The following ATP5F1C variants were observed in gnomAD, a reference collection of about 807,000 sequenced individuals.
ATP5F1C encodes the protein ATP synthase F(1) complex subunit gamma, mitochondrial.
A neutral mutation model predicts 37.4 loss-of-function variants in ATP5F1C; 22 were observed. The ratio of observed to expected loss-of-function variants is 0.59; its 90% CI spans 0.42 to 0.84. The LOEUF (loss-of-function observed/expected upper bound fraction) is 0.84, where lower values mean the gene tolerates loss of function less well. Among genes scored for constraint, ATP5F1C ranks in the 40% least tolerant of loss-of-function variants. The probability of loss-of-function intolerance (pLI) is 0.00; values close to 1 mark genes in which losing one functional copy is unlikely to be tolerated. For missense variants in ATP5F1C, 286 were observed against 362.4 expected (o/e 0.79, Z 1.71); for synonymous variants, 121 against 128.0 (o/e 0.95, Z 0.37).
chr10:7,800,223 A>C, intron 6 of ATP5F1C, 132 bp downstream of exon 6: 1 of 949,622 alleles, frequency 1.1e-6, no homozygotes, highest in Non-Finnish European at 1.6e-6. Context: ...TTTTAGATGG[A>C]ATCTTGCTGC....
At chr10:7,802,239 C>G in intron 6 of ATP5F1C, 31 bp from the exon 7 acceptor site, 2 of 1,574,606 alleles carry the variant, frequency 1.3e-6, no homozygotes, top group Non-Finnish European at 1.7e-6. Context: ...TTCCATATAA[C>G]TTGAAAGAAA....
At chr10:7,803,961 G>A (rs956286758) in intron 8 of ATP5F1C, among the ~76,000 whole-genome samples, 8 of 152,102 alleles carry the variant, frequency 5.3e-5, no homozygotes, top group Admixed American at 2.6e-4. Context: ...GTTCAAAAAG[G>A]TAATTATTTG....
chr10:7,797,514 C>T (rs910067500), intron 3 of ATP5F1C, among the ~76,000 whole-genome samples: 4 of 152,136 alleles, frequency 2.6e-5, no homozygotes, highest in Non-Finnish European at 4.4e-5. Context: ...TTATACGTGA[C>T]CATGTTAACT....
chr10:7,790,117 T>C (rs1307180111), intron 1 of ATP5F1C, among the ~76,000 whole-genome samples: 1 of 152,248 alleles, frequency 6.6e-6, no homozygotes, highest in African/African-American at 2.4e-5. Context: ...TGAATTATAA[T>C]TGCCTTTTGA....
Position 7,799,929 on chromosome 10 carries a change from A to G in ATP5F1C, c.572+14A>G, listed in dbSNP as rs905311076. On this transcript the variant is annotated intron_variant, in intron 5 of 9. Transcript: ENST00000356708. ...TAATAAATTCAGGCAAGACAGATTTAGAAATCAAAGCTTTTTTATGTTCAT... is the reference window on the plus strand; with the variant it reads ...TAATAAATTCAGGCAAGACAGATTTGGAAATCAAAGCTTTTTTATGTTCAT... The G allele has an allele frequency of 6.2e-7, 1 of 1,607,964 alleles. No individual in the cohort carries two copies. The highest frequency in any genetic ancestry group is 1.3e-5 in the African/African-American group (1 of 74,628).
In ATP5F1C at chr10:7,807,731, TC is replaced by T; in HGVS notation, c.*105del. The T allele has an allele frequency of 6.5e-7, 1 of 1,537,154 alleles. No individual in the cohort carries two copies. ...TGCCTTTGTCCGAAGAAACTGTTCC[TC>T]CATTATTTGAATTACTGAAGACAGC... On this transcript the variant is annotated 3_prime_UTR_variant, in exon 10 of 10. Transcript: ENST00000356708.
chr10:7,788,223 G>C lies in ATP5F1C; in HGVS notation c.16G>C (p.Gly6Arg). ...TGTGGCTACCATGTTCTCTCGCGCG[G>C]GTGTCGCTGGGCTGTCGGCCTGGAC... is the stretch of plus-strand genomic sequence containing the variant. MFSRAGVAGLSAWTLQ... is the reference protein window; with the variant it reads MFSRARVAGLSAWTLQ... Residue 6 changes from glycine (G) to arginine (R), a missense_variant, in exon 1 of 10, where the codon GGT (glycine) becomes CGT (arginine). Transcript: ENST00000356708. 1.9e-6 allele frequency: 3 copies of C among 1,613,564 alleles called. No homozygotes were observed. In the South Asian group the frequency reaches 3.3e-5, roughly 18 times the overall value.
chr10:7,800,019 A>G lies in ATP5F1C; in HGVS notation c.573-8A>G. The G allele has an allele frequency of 6.2e-7, 1 of 1,611,410 alleles. No individual in the cohort carries two copies. Among genetic ancestry groups the G allele is most frequent in the Non-Finnish European group, 8.5e-7 (1 of 1,179,268 alleles). ...TTTGAGATTTACATTTGTTTTTGTC[A>G]ATTCTAGGTCTGTCATCTCCTATAA... On this transcript the variant is annotated splice_polypyrimidine_tract_variant and splice_region_variant and intron_variant, in intron 5 of 9. Transcript: ENST00000356708.
At chr10:7,797,314 C>T (rs1296310220) in intron 3 of ATP5F1C, 136 bp downstream of exon 3, 6 of 1,093,418 alleles carry the variant, frequency 5.5e-6, no homozygotes, top group Non-Finnish European at 7.8e-6. Flanking sequence ...TCATCTACAT[C>T]CACTTGACAC....
chr10:7,796,865 T>G, intron 2 of ATP5F1C, 182 bp from the exon 3 acceptor site: 3 of 572,308 alleles, frequency 5.2e-6, no homozygotes, highest in Non-Finnish European at 8.6e-6. Context: ...ATTACAGGCG[T>G]GAGCCACCGT....
chr10:7,806,155 A>C (rs185395779), intron 8 of ATP5F1C, among the ~76,000 whole-genome samples: 1 of 152,344 alleles, frequency 6.6e-6, no homozygotes, highest in East Asian at 1.9e-4. Flanking sequence ...AAACTTAGCT[A>C]TGCAGTGCCA....
In ATP5F1C at chr10:7,802,804, A is replaced by G. The variant is rs115685757; in HGVS notation, c.840A>G (p.Gln280=). Residue 280 remains glutamine (Q), a synonymous_variant, in exon 8 of 10, where the codon CAA becomes CAG. Transcript: ENST00000356708. ...KLTLTFNRTR[Q]AVITKELIEI... Reference sequence around the variant, plus strand: ...CATTGACATTCAACCGTACCCGCCAAGCTGTCATCACAAAAGAGTTGATTG... The same window carrying G: ...CATTGACATTCAACCGTACCCGCCAGGCTGTCATCACAAAAGAGTTGATTG... 1.5e-3 allele frequency: 2,365 copies of G among 1,614,070 alleles called. 33 individuals are homozygous for G. The African/African-American group carries it at 0.028, about 19-fold the overall frequency.
At chr10:7,802,936 C>A in intron 8 of ATP5F1C, 82 bp downstream of exon 8, 2 of 1,253,068 alleles carry the variant, frequency 1.6e-6, no homozygotes, top group East Asian at 2.5e-5. Flanking sequence ...AAAAGTTTTT[C>A]GTTTTTTTCT....
chr10:7,799,496 T>TC (rs1836309731), intron 4 of ATP5F1C: 1 of 559,888 alleles, frequency 1.8e-6, no homozygotes, highest in South Asian at 2.3e-5. Flanking sequence ...GAGGAGCTGT[T>TC]ACAGCCTGGA....
rs1354117540 is a variant in ATP5F1C at position 7,797,190 on chromosome 10, G to C, written c.223+12G>C. ...ATTGGGATCTTTAGGTAAGGGAAGA[G>C]TGTAATTCACAAATTAGGAAGAACT... On this transcript the variant is annotated intron_variant, in intron 3 of 9. Transcript: ENST00000356708. 5.6e-6 allele frequency: 9 copies of C among 1,610,310 alleles called. No homozygotes were observed. The highest frequency in any genetic ancestry group is 7.6e-6 in the Non-Finnish European group (9 of 1,177,408).
intron 1 of ATP5F1C, among the ~76,000 whole-genome samples, chr10:7,794,008 C>G (rs541884585): frequency 6.6e-6 from 1 of 152,254 alleles, no homozygotes; most frequent in South Asian, 2.1e-4. Context: ...CCTATATAAC[C>G]TTGAAAATCA....
Position 7,797,780 on chromosome 10 carries a change from C to G in ATP5F1C, c.223+602C>G, listed in dbSNP as rs2853755. Among the ~76,000 whole-genome samples the G allele has an allele frequency of 1.2e-4, 19 of 152,268 alleles. No homozygotes were observed. The East Asian group carries it at 3.1e-3, about 25-fold the overall frequency. ...GCTGAGAACCTCCATTTTCAAGATACTTAATCACCATTCTTATCTTTTCAA... is the reference window on the plus strand; with the variant it reads ...GCTGAGAACCTCCATTTTCAAGATAGTTAATCACCATTCTTATCTTTTCAA... On this transcript the variant is annotated intron_variant, in intron 3 of 9. Coordinates refer to ENST00000356708, the MANE Select transcript of ATP5F1C (RefSeq NM_001001973.3).
intron 3 of ATP5F1C, 35 bp from the exon 4 acceptor site, chr10:7,798,955 A>G: frequency 6.4e-7 from 1 of 1,567,698 alleles, no homozygotes; most frequent in Non-Finnish European, 8.8e-7. Context: ...AGTGTATTGC[A>G]TATAAAAAAA....
At position 7,800,014 on chromosome 10, in the gene ATP5F1C, T is replaced by C. The variant is rs1836323388; in HGVS notation, c.573-13T>C. 6.2e-7 allele frequency: 1 copy of C among 1,611,306 alleles called. No homozygotes were observed. The highest frequency in any genetic ancestry group is 8.5e-7 in the Non-Finnish European group (1 of 1,179,258). On this transcript the variant is annotated splice_polypyrimidine_tract_variant and intron_variant, in intron 5 of 9. Coordinates refer to ENST00000356708, the MANE Select transcript of ATP5F1C (RefSeq NM_001001973.3). The stretch of plus-strand genomic sequence containing the variant: ...ATTATTTTGAGATTTACATTTGTTT[T>C]TGTCAATTCTAGGTCTGTCATCTCC...
Sources: gnomAD v4.1 joint callset for allele counts (sites outside exome capture counted in the v4.1 genomes callset) on GRCh38, gnomAD v4.1.1 for gene constraint, MANE v1.5 for transcripts, NCBI Gene and HGNC (gene_info 2026-07-23, HGNC 2026-07-21) for gene names.